The following FAP variants were observed in gnomAD, a reference collection of about 807,000 sequenced individuals.
The protein encoded by FAP is fibroblast activation protein alpha.
In FAP, 110 loss-of-function variants were observed where a neutral mutation model predicts 126.5. The ratio of observed to expected loss-of-function variants is 0.87; its 90% CI spans 0.74 to 1.02. The LOEUF is 1.02. Among genes scored for constraint, FAP ranks in the 50% least tolerant of loss-of-function variants. The probability of loss-of-function intolerance (pLI) is 0.00; values close to 1 mark genes in which losing one functional copy is unlikely to be tolerated. For synonymous variants in FAP, 334 were observed against 297.3 expected, an observed-to-expected ratio of 1.12 and a Z score of -1.27; for missense variants, 919 against 909.2, an observed-to-expected ratio of 1.01 and a Z score of -0.14.
chr2:162,199,009 T>G, intron 15 of FAP, 128 bp from the exon 16 acceptor site: 1 of 754,966 alleles, frequency 1.3e-6, no homozygotes, highest in Non-Finnish European at 2.1e-6. Flanking sequence ...GTTGCCAATA[T>G]CATTTAAAGT....
In FAP at chr2:162,189,601, C is replaced by G. The variant is rs2106228324; in HGVS notation, c.1549+55G>C. The stretch of plus-strand genomic sequence containing the variant: ...CATTCACTCTATGCTTTTTTAAAAG[C>G]AAGAAAATTGCTCAGCTTCATATCT... On this transcript the variant is annotated intron_variant, in intron 18 of 25. Coordinates refer to ENST00000188790, the MANE Select transcript of FAP (RefSeq NM_004460.5). 8.2e-6 allele frequency: 8 copies of G among 973,834 alleles called. No homozygotes were observed. The South Asian group carries it at 1.2e-4, about 14-fold the overall frequency. The allele number at this position is 973,834 out of a possible 1,614,324, so 60.3% of individuals were successfully genotyped here.
chr2:162,213,437 A>G (rs569377129), intron 11 of FAP, among the ~76,000 whole-genome samples: 126 of 151,842 alleles, frequency 8.3e-4, no homozygotes, highest in Non-Finnish European at 3.1e-4. Context: ...AAAAAAAAAC[A>G]GAATATCTGG....
intron 21 of FAP, among the ~76,000 whole-genome samples, chr2:162,183,207 C>G (rs1687750681): frequency 6.6e-6 from 1 of 152,034 alleles, no homozygotes; most frequent in Admixed American, 6.5e-5. Flanking sequence ...AGTTAACTTA[C>G]TGTACAGGGA....
chr2:162,174,470 G>A (rs1320435303), intron 22 of FAP, among the ~76,000 whole-genome samples: 2 of 152,234 alleles, frequency 1.3e-5, no homozygotes, highest in Non-Finnish European at 2.9e-5. Context: ...TGGAGCAATG[G>A]AACTGGCAAT....
chr2:162,202,867 C>G lies in FAP; in HGVS notation c.1223+5G>C. 4.3e-6 allele frequency: 7 copies of G among 1,611,198 alleles called. No homozygotes were observed. The highest frequency in any genetic ancestry group is 5.9e-6 in the Non-Finnish European group (7 of 1,177,410). On this transcript the variant is annotated splice_donor_5th_base_variant and intron_variant, in intron 14 of 25. Coordinates refer to ENST00000188790, the MANE Select transcript of FAP (RefSeq NM_004460.5). Reference sequence around the variant, plus strand: ...ATGGTGCATCGTGCTTCGTGCAATACTTACAGTGAATCCTGTGTTACTCTG... The same window carrying G: ...ATGGTGCATCGTGCTTCGTGCAATAGTTACAGTGAATCCTGTGTTACTCTG...
intron 16 of FAP, chr2:162,197,532 T>C (rs1200629641): frequency 2.2e-6 from 1 of 456,648 alleles, no homozygotes. Flanking sequence ...AAGATGCCAT[T>C]GACCAAACAT....
In FAP at chr2:162,194,695, G is replaced by T; in HGVS notation, c.1450+6C>A. ...GACAAGATAGATAACATGCAAGAGA[G>T]AGTACCTTGATCAGTGCGTCCATCA... On this transcript the variant is annotated splice_donor_region_variant and intron_variant, in intron 17 of 25. Transcript: ENST00000188790. 6.2e-7 allele frequency: 1 copy of T among 1,613,076 alleles called. No homozygotes were observed.
chr2:162,214,073 A>C lies in FAP; in HGVS notation c.867T>G (p.Ser289Arg). 1 of 1,613,514 alleles carries C rather than the reference A, an allele frequency of 6.2e-7. No homozygotes were observed. The highest frequency in any genetic ancestry group is 8.5e-7 in the Non-Finnish European group (1 of 1,179,802). ...EVPVPAMIAS[S>R]DYYFSWLTWV... Reference sequence around the variant, plus strand: ...ACGTGAGCCAACTGAAATAATAATCACTGCAAATAAAATAGAAACAGGTAG... The same window carrying C: ...ACGTGAGCCAACTGAAATAATAATCCCTGCAAATAAAATAGAAACAGGTAG... The change falls in exon 11 of 26, where the codon AGT (serine) becomes AGG (arginine). Residue 289 changes from serine to arginine, a missense_variant and splice_region_variant. Physicochemically the swap from Ser to Arg is moderately radical, Grantham distance 110. Transcript: ENST00000188790.
Position 162,194,763 on chromosome 2 carries a change from A to C in FAP, c.1403-15T>G. The stretch of plus-strand genomic sequence containing the variant: ...GATGCCTGGGCCTGTGGGCAGGATG[A>C]AAACAAAATCATGGCTTAGTGTTAA... On this transcript the variant is annotated splice_polypyrimidine_tract_variant and intron_variant, in intron 16 of 25. Transcript: ENST00000188790. The C allele has an allele frequency of 1.9e-6, 3 of 1,612,984 alleles. No homozygotes were observed. The highest frequency in any genetic ancestry group is 2.5e-6 in the Non-Finnish European group (3 of 1,179,100).
intron 11 of FAP, among the ~76,000 whole-genome samples, chr2:162,212,478 A>G (rs1158822336): frequency 1.3e-5 from 2 of 152,210 alleles, no homozygotes; most frequent in Non-Finnish European, 2.9e-5. Context: ...TATATATAAG[A>G]TAAAAATACG....
intron 12 of FAP, 23 bp downstream of exon 12, chr2:162,209,929 A>G (rs1354454368): frequency 6.2e-6 from 10 of 1,607,596 alleles, no homozygotes; most frequent in Non-Finnish European, 8.5e-6. Context: ...TTAAAACATA[A>G]GAAAAAGATA....
At chr2:162,185,182 A>G (rs1687821926) in intron 20 of FAP, among the ~76,000 whole-genome samples, 1 of 152,156 alleles carries the variant, frequency 6.6e-6, no homozygotes, top group African/African-American at 2.4e-5. Flanking sequence ...AATGAAAAGG[A>G]TGTTTTTCTA....
At chr2:162,197,373 T>G (rs1386104437) in intron 16 of FAP, among the ~76,000 whole-genome samples, 1 of 152,192 alleles carries the variant, frequency 6.6e-6, no homozygotes, top group African/African-American at 2.4e-5. Flanking sequence ...GTGCCTGGCA[T>G]GTAAGCTTTC....
chr2:162,225,474 G>T lies in FAP; in HGVS notation c.285+9C>A, dbSNP rs1576189670. 3 of 1,594,770 alleles carry T rather than the reference G, an allele frequency of 1.9e-6. No homozygotes were observed. Among genetic ancestry groups the T allele is most frequent in the Admixed American group, 1.8e-5 (1 of 57,118 alleles). On this transcript the variant is annotated intron_variant, in intron 4 of 25. Coordinates refer to ENST00000188790, the MANE Select transcript of FAP (RefSeq NM_004460.5). ...GTTTCTGAGGGGGAAGATGATGTTG[G>T]ATACATACCATGGTTCTATTACTCA...
chr2:162,187,804 T>C (rs1687909438), intron 20 of FAP, among the ~76,000 whole-genome samples: 1 of 152,076 alleles, frequency 6.6e-6, no homozygotes, highest in South Asian at 2.1e-4. Flanking sequence ...AGAGGCAGAA[T>C]CCACAATGCT....
At position 162,188,306 on chromosome 2, in the gene FAP, A is replaced by G. The variant is rs745762540; in HGVS notation, c.1677T>C (p.Ser559=). The change falls in exon 20 of 26, where the codon TCT becomes TCC. Residue 559 remains serine, a synonymous_variant. Coordinates refer to ENST00000188790, the MANE Select transcript of FAP (RefSeq NM_004460.5). Reference sequence around the variant, plus strand: ...CCATCCCTTCCTTACTTGCAAGATAAGATATCCAATTAACAGCAAATACAG... The same window carrying G: ...CCATCCCTTCCTTACTTGCAAGATAGGATATCCAATTAACAGCAAATACAG... ...VRSVFAVNWI[S]YLASKEGMVI... is the part of the protein sequence containing the mutation. The G allele has an allele frequency of 6.2e-7, 1 of 1,613,342 alleles. No individual in the cohort carries two copies. Among genetic ancestry groups the G allele is most frequent in the Non-Finnish European group, 8.5e-7 (1 of 1,179,516 alleles).
rs369262301 is a variant in FAP, at chr2:162,236,324, A to C, written c.91+6584T>G. On this transcript the variant is annotated intron_variant, in intron 2 of 25. Transcript: ENST00000188790. The stretch of plus-strand genomic sequence containing the variant: ...AATGCGGGTAATACCTTATAGAATG[A>C]GTTGGGAAGTGTTTTCTTTCATTTT... Among the ~76,000 whole-genome samples the C allele has an allele frequency of 8.5e-5, 13 of 152,230 alleles. No homozygotes were observed. The East Asian group carries it at 2.1e-3, about 25-fold the overall frequency.
At chr2:162,222,958 C>T (rs1231083148) in intron 6 of FAP, among the ~76,000 whole-genome samples, 2 of 152,060 alleles carry the variant, frequency 1.3e-5, no homozygotes, top group Non-Finnish European at 2.9e-5. Context: ...CAGAAATTCT[C>T]TTCGTCAATG....
At chr2:162,197,610 C>T (rs1330720499) in intron 16 of FAP, 1 of 456,650 alleles carries the variant, frequency 2.2e-6, no homozygotes, top group Admixed American at 2.3e-5. Flanking sequence ...GGTTAAAATG[C>T]TTATTCATGT....
Sources: gnomAD v4.1 joint callset for allele counts (sites outside exome capture counted in the v4.1 genomes callset) on GRCh38, gnomAD v4.1.1 for gene constraint, MANE v1.5 for transcripts, NCBI Gene and HGNC (gene_info 2026-07-23, HGNC 2026-07-21) for gene names.